The following TTLL13 variants were observed in gnomAD, a reference collection of about 807,000 sequenced individuals.
The protein encoded by TTLL13 is tubulin tyrosine ligase like 13, also known as tubulin polyglutamylase TTLL13.
At chr15:90,253,329 G>A in the TTLL13 span, 3 of 1,613,506 alleles carry the variant, frequency 1.9e-6, no homozygotes, top group East Asian at 4.5e-5. Context: ...AGACTGCGCT[G>A]TCTCACTGGA....
At chr15:90,252,071 C>CTTTT in the TTLL13 span, among the ~76,000 whole-genome samples, 1 of 122,812 alleles carries the variant, frequency 8.1e-6, no homozygotes, top group African/African-American at 2.9e-5. Context: ...CCGAGTTTTG[C>CTTTT]TCTTGTTGCC....
the TTLL13 span, chr15:90,262,530 A>G: frequency 6.6e-7 from 1 of 1,526,332 alleles, no homozygotes; most frequent in East Asian, 2.4e-5. Flanking sequence ...CAGGAACAGC[A>G]GGAGACCTCG....
At chr15:90,254,287 G>A in the TTLL13 span, among the ~76,000 whole-genome samples, 1 of 151,582 alleles carries the variant, frequency 6.6e-6, no homozygotes. Flanking sequence ...GAGGTCAGGA[G>A]TTCAAGACCA....
At chr15:90,255,183 A>G in the TTLL13 span, among the ~76,000 whole-genome samples, 1 of 152,156 alleles carries the variant, frequency 6.6e-6, no homozygotes, top group Non-Finnish European at 1.5e-5. Context: ...ACCTGAAGGA[A>G]GTGTCTGGTG....
the TTLL13 span, chr15:90,262,447 C>T: frequency 6.9e-7 from 1 of 1,441,300 alleles, no homozygotes; most frequent in Non-Finnish European, 9.1e-7. Context: ...CCCTCTTCTC[C>T]CCAACACCAT....
the TTLL13 span, chr15:90,258,200 A>G: frequency 6.2e-7 from 1 of 1,614,118 alleles, no homozygotes; most frequent in Non-Finnish European, 8.5e-7. Flanking sequence ...ATGGAGGTAC[A>G]TGTGCCTGTT....
chr15:90,258,852 G>A, the TTLL13 span: 1 of 1,614,068 alleles, frequency 6.2e-7, no homozygotes, highest in African/African-American at 1.3e-5. Flanking sequence ...TGTGACAAAA[G>A]GAAGGTGATG....
chr15:90,254,165 C>CCTG, the TTLL13 span, among the ~76,000 whole-genome samples: 1 of 149,086 alleles, frequency 6.7e-6, no homozygotes, highest in Non-Finnish European at 1.5e-5. Flanking sequence ...TACACTCCAG[C>CCTG]CTGTGTGACA....
chr15:90,260,142 A>G, the TTLL13 span, among the ~76,000 whole-genome samples: 3 of 152,204 alleles, frequency 2.0e-5, no homozygotes, highest in Admixed American at 2.0e-4. Flanking sequence ...AAAATGGTTG[A>G]ACAGTACTGG....
chr15:90,262,023 C>T, the TTLL13 span: 4 of 1,534,024 alleles, frequency 2.6e-6, no homozygotes, highest in Non-Finnish European at 2.6e-6. Flanking sequence ...AAAACTGAGT[C>T]ATCCCATGTG....
the TTLL13 span, chr15:90,256,402 C>A: frequency 7.2e-7 from 1 of 1,380,486 alleles, no homozygotes; most frequent in Non-Finnish European, 1.0e-6. Flanking sequence ...TTCTACCCTT[C>A]CCACTAGCCC....
chr15:90,259,143 G>T, the TTLL13 span: 1 of 1,119,538 alleles, frequency 8.9e-7, no homozygotes. Context: ...CAGGAGGATT[G>T]CTTGAGCCCT....
chr15:90,249,755 C>G, the TTLL13 span: 3 of 152,170 alleles, frequency 2.0e-5, no homozygotes, highest in Non-Finnish European at 2.9e-5. Context: ...TGAGTCCATC[C>G]CCAGGCGGCT....
chr15:90,261,770 A>T, the TTLL13 span, among the ~76,000 whole-genome samples: 1 of 152,158 alleles, frequency 6.6e-6, no homozygotes, highest in African/African-American at 2.4e-5. Context: ...ACAGTGCAAG[A>T]CCCTGTCTCA....
the TTLL13 span, among the ~76,000 whole-genome samples, chr15:90,253,539 T>C: frequency 3.3e-5 from 5 of 152,190 alleles, no homozygotes; most frequent in Non-Finnish European, 7.3e-5. Flanking sequence ...CTCTTGGAGA[T>C]TGTGGGTTTC....
chr15:90,252,365 G>A, the TTLL13 span, among the ~76,000 whole-genome samples: 1 of 151,584 alleles, frequency 6.6e-6, no homozygotes, highest in Non-Finnish European at 1.5e-5. Context: ...ATGTTTTGTA[G>A]AGACAGAGTC....
the TTLL13 span, chr15:90,265,260 A>C: frequency 7.9e-7 from 1 of 1,268,004 alleles, no homozygotes; most frequent in Non-Finnish European, 1.0e-6. Context: ...TCTGAACCCT[A>C]GGTGCGGCCC....
the TTLL13 span, chr15:90,263,715 G>A: frequency 3.1e-6 from 2 of 649,902 alleles, no homozygotes. Flanking sequence ...TAAAAATGTG[G>A]TAAGGGGCTG....
chr15:90,257,591 G>A, the TTLL13 span: 16 of 1,568,494 alleles, frequency 1.0e-5, no homozygotes, highest in Admixed American at 5.1e-5. Flanking sequence ...TGGAGAGGAC[G>A]GCCGCATGCA....
Sources: allele counts gnomAD v4.1 joint callset (sites outside exome capture counted in the v4.1 genomes callset), GRCh38; gene constraint gnomAD v4.1.1; transcripts MANE v1.5; gene names NCBI Gene and HGNC (gene_info 2026-07-23, HGNC 2026-07-21).